Variants in ZNF654 observed in about 807,000 individuals in gnomAD.
ZNF654 encodes the protein zinc finger protein 654.
ZNF654 carries 19 observed loss-of-function variants against 95.3 expected under a neutral mutation model. The observed-to-expected ratio is 0.20, with a 90% CI of 0.14 to 0.29. The LOEUF (loss-of-function observed/expected upper bound fraction) is 0.29, where lower values mean the gene tolerates loss of function less well. ZNF654 is among the 10% of genes least tolerant of loss of function. The pLI, the probability that ZNF654 is intolerant of heterozygous loss-of-function variation, is 1.00. For synonymous variants in ZNF654, 413 were observed against 457.9 expected, an observed-to-expected ratio of 0.90 and a Z score of 1.25; for missense variants, 1,046 against 1,341.0, an observed-to-expected ratio of 0.78 and a Z score of 3.44.
At chr3:88,115,814 A>G (rs766743143) in intron 3 of ZNF654, among the ~76,000 whole-genome samples, 5 of 152,042 alleles carry the variant, frequency 3.3e-5, no homozygotes, top group Non-Finnish European at 7.4e-5. Context: ...CATCATCATT[A>G]TATCTAGCAG....
intron 2 of ZNF654, among the ~76,000 whole-genome samples, chr3:88,088,364 G>T (rs1365109278): frequency 2.6e-5 from 4 of 151,934 alleles, no homozygotes; most frequent in South Asian, 2.1e-4. Flanking sequence ...AATTTTGAAA[G>T]AAAGTGTTAA....
intron 2 of ZNF654, among the ~76,000 whole-genome samples, chr3:88,096,976 CT>C (rs1704101945): frequency 6.6e-6 from 1 of 152,016 alleles, no homozygotes; most frequent in Non-Finnish European, 1.5e-5. Flanking sequence ...ACTTAGATAC[CT>C]TTCCCCATCA....
At chr3:88,118,336 T>C (rs1010350377) in intron 3 of ZNF654, among the ~76,000 whole-genome samples, 1 of 150,504 alleles carries the variant, frequency 6.6e-6, no homozygotes, top group Non-Finnish European at 1.5e-5. Context: ...AGCAGGAGGC[T>C]CAACGCTATC....
intron 1 of ZNF654, among the ~76,000 whole-genome samples, chr3:88,079,128 G>A (rs1253637467): frequency 6.6e-6 from 1 of 152,022 alleles, no homozygotes; most frequent in Non-Finnish European, 1.5e-5. Flanking sequence ...CATTTTTGCT[G>A]ACTCAACCTA....
At chr3:88,113,508 C>T (rs558359492) in intron 3 of ZNF654, among the ~76,000 whole-genome samples, 1 of 152,254 alleles carries the variant, frequency 6.6e-6, no homozygotes, top group Non-Finnish European at 1.5e-5. Flanking sequence ...TTGAAGTAAG[C>T]TGTCTATCCC....
At chr3:88,101,432 T>TG (rs2107718167) in intron 2 of ZNF654, among the ~76,000 whole-genome samples, 1 of 152,320 alleles carries the variant, frequency 6.6e-6, no homozygotes, top group East Asian at 1.9e-4. Flanking sequence ...AAAATAGTCT[T>TG]GCGAAATAGT....
chr3:88,142,908 A>T lies in ZNF654; in HGVS notation c.*1256A>T, dbSNP rs1218002633. ...AAGTGTTAAAACAATAAATATTTTT[A>T]AAAATACCCTCTCAGATGTTTTCCA... On this transcript the variant is annotated 3_prime_UTR_variant, in exon 9 of 9. Coordinates refer to ENST00000636215, the MANE Select transcript of ZNF654 (RefSeq NM_001350134.2). 3 of 152,312 alleles carry T rather than the reference A, an allele frequency of 2.0e-5. No homozygotes were observed. Among genetic ancestry groups the T allele is most frequent in the Admixed American group, 6.6e-5 (1 of 15,240 alleles). 9.4% of individuals were successfully genotyped at this position (152,312 alleles called of 1,614,324 possible).
At chr3:88,126,722 T>C (rs749308512) in intron 4 of ZNF654, among the ~76,000 whole-genome samples, 2 of 151,934 alleles carry the variant, frequency 1.3e-5, no homozygotes, top group Admixed American at 6.6e-5. Flanking sequence ...ATCCTATAGC[T>C]AGCCCAGTGC....
In ZNF654 at chr3:88,128,816, A is replaced by G. The variant is rs1370505141; in HGVS notation, c.558A>G (p.Lys186=). 1 of 1,533,466 alleles carries G rather than the reference A, an allele frequency of 6.5e-7. No homozygotes were observed. The highest frequency in any genetic ancestry group is 2.4e-5 in the East Asian group (1 of 40,876). The allele number at this position is 1,533,466 out of a possible 1,614,324, so 95.0% of individuals were successfully genotyped here. A position where few individuals can be genotyped will look rare whatever the true frequency, so the allele number is the denominator to read the frequency against. Residue 186 remains lysine, a synonymous_variant, in exon 5 of 9, where the codon AAA becomes AAG. Coordinates refer to ENST00000636215, the MANE Select transcript of ZNF654 (RefSeq NM_001350134.2). The part of the protein sequence containing the change: ...AQPASQEIVN[K]YLSSENPLFF... Reference sequence around the variant, plus strand: ...GTTTTCTTTTTAATATAGTGAACAAATATTTAAGTTCTGAAAATCCACTGT... The same window carrying G: ...GTTTTCTTTTTAATATAGTGAACAAGTATTTAAGTTCTGAAAATCCACTGT...
chr3:88,069,607 T>C (rs1707396211), intron 1 of ZNF654, among the ~76,000 whole-genome samples: 1 of 152,184 alleles, frequency 6.6e-6, no homozygotes, highest in Admixed American at 6.5e-5. Context: ...CTTATATAAT[T>C]GGCAAGCTTC....
chr3:88,065,859 C>G (rs1374660354), intron 1 of ZNF654, among the ~76,000 whole-genome samples: 1 of 152,118 alleles, frequency 6.6e-6, no homozygotes, highest in Non-Finnish European at 1.5e-5. Flanking sequence ...CCCCCACCCC[C>G]AGTAGCTGGG....
At chr3:88,093,585 C>A (rs1169144733) in intron 2 of ZNF654, among the ~76,000 whole-genome samples, 1 of 152,132 alleles carries the variant, frequency 6.6e-6, no homozygotes, top group Non-Finnish European at 1.5e-5. Flanking sequence ...CTTCATGGAG[C>A]TAAGTGGGTA....
intron 2 of ZNF654, among the ~76,000 whole-genome samples, chr3:88,087,576 C>G (rs1317512469): frequency 6.6e-6 from 1 of 152,124 alleles, no homozygotes; most frequent in East Asian, 1.9e-4. Context: ...GGACAGAAAG[C>G]AGATAGAGGA....
At chr3:88,069,087 A>T (rs1008421856) in intron 1 of ZNF654, among the ~76,000 whole-genome samples, 1 of 152,174 alleles carries the variant, frequency 6.6e-6, no homozygotes, top group Non-Finnish European at 1.5e-5. Context: ...GTGAAACAGA[A>T]GAAAAAAATC....
intron 1 of ZNF654, among the ~76,000 whole-genome samples, chr3:88,075,776 T>A (rs990143253): frequency 3.9e-5 from 6 of 152,312 alleles, no homozygotes; most frequent in South Asian, 2.1e-4. Flanking sequence ...TTGGTTTTTT[T>A]GTTCCTTCAG....
chr3:88,059,418 G>C lies in ZNF654; in HGVS notation c.99G>C (p.Ala33=). The C allele has an allele frequency of 6.5e-7, 1 of 1,528,216 alleles. No homozygotes were observed. Among genetic ancestry groups the C allele is most frequent in the South Asian group, 1.2e-5 (1 of 83,458 alleles). The allele number at this position is 1,528,216 out of a possible 1,614,324, so 94.7% of individuals were successfully genotyped here. A position where few individuals can be genotyped will look rare whatever the true frequency, so the allele number is the denominator to read the frequency against. The change falls in exon 1 of 9, where the codon GCG becomes GCC. Residue 33 remains alanine (A), a synonymous_variant. Transcript: ENST00000636215. Reference sequence around the variant, plus strand: ...TGGGCCCTGTGGGGCTTAGAGCTGCGGGCGACGGCAGAGGCGGCGCTGGCA... The same window carrying C: ...TGGGCCCTGTGGGGCTTAGAGCTGCCGGCGACGGCAGAGGCGGCGCTGGCA... ...SPLGPVGLRA[A]GDGRGGAGSG... is the part of the protein sequence containing the mutation.
At chr3:88,092,606 T>C (rs773486207) in intron 2 of ZNF654, among the ~76,000 whole-genome samples, 14 of 152,206 alleles carry the variant, frequency 9.2e-5, no homozygotes, top group Admixed American at 2.0e-4. Flanking sequence ...TCAATATATT[T>C]ATTATCTGTT....
chr3:88,139,788 G>A lies in ZNF654; in HGVS notation c.2119G>A (p.Glu707Lys), dbSNP rs1274965998. The A allele has an allele frequency of 1.3e-6, 2 of 1,555,280 alleles. No individual in the cohort carries two copies. The highest frequency in any genetic ancestry group is 3.9e-5 in the Admixed American group (2 of 51,196). The part of the protein sequence containing the change: ...GDDYEEEEDE[E>K]GDYEEDDYDL... Reference sequence around the variant, plus strand: ...TGATTATGAGGAGGAAGAGGATGAAGAAGGTGATTATGAAGAAGATGATTA... The same window carrying A: ...TGATTATGAGGAGGAAGAGGATGAAAAAGGTGATTATGAAGAAGATGATTA... The change falls in exon 8 of 9, where the codon GAA (glutamate) becomes AAA (lysine). Residue 707 changes from glutamate to lysine, a missense_variant. Glu to Lys is a moderately conservative substitution (Grantham distance 56). Around this residue, in one of 9 missense-constraint regions of ZNF654, gnomAD observed 495 missense variants for 537.0 expected, o/e 0.92. Coordinates refer to ENST00000636215, the MANE Select transcript of ZNF654 (RefSeq NM_001350134.2).
chr3:88,094,314 C>A (rs1437884386), intron 2 of ZNF654, among the ~76,000 whole-genome samples: 1 of 152,126 alleles, frequency 6.6e-6, no homozygotes, highest in Non-Finnish European at 1.5e-5. Flanking sequence ...TGACTAGCAT[C>A]TTTTCCCCGG....
Sources: gnomAD v4.1 joint callset for allele counts (sites outside exome capture counted in the v4.1 genomes callset) on GRCh38, gnomAD v4.1.1 for gene constraint, gnomAD v4.1.1 regional missense constraint, MANE v1.5 for transcripts, NCBI Gene and HGNC (gene_info 2026-07-23, HGNC 2026-07-21) for gene names.